HLCS: variants seen among roughly 807,000 people sequenced by gnomAD.
HLCS encodes the protein holocarboxylase synthetase.
In HLCS, 53 loss-of-function variants were observed where a neutral mutation model predicts 75.0. The observed-to-expected ratio is 0.71, with a 90% CI of 0.57 to 0.89. HLCS has a LOEUF of 0.89. Ranked by LOEUF, HLCS falls within the 40% of genes least tolerant of loss-of-function variation. The pLI, the probability that HLCS is intolerant of heterozygous loss-of-function variation, is 0.00. For missense variants in HLCS, 966 were observed against 1,074.0 expected (o/e 0.90, Z 1.41); for synonymous variants, 431 against 428.6 (o/e 1.01, Z -0.07).
At chr21:36,865,185 G>T (rs986022190) in intron 6 of HLCS, among the ~76,000 whole-genome samples, 2 of 151,918 alleles carry the variant, frequency 1.3e-5, no homozygotes, top group Non-Finnish European at 2.9e-5. Flanking sequence ...TGCTCGGGCG[G>T]ATCAATCTCA....
At chr21:36,961,105 C>T (rs1290324340) in intron 2 of HLCS, among the ~76,000 whole-genome samples, 4 of 152,268 alleles carry the variant, frequency 2.6e-5, no homozygotes, top group South Asian at 2.1e-4. Flanking sequence ...AGCCGGCTGG[C>T]GTGTTAATTT....
intron 6 of HLCS, among the ~76,000 whole-genome samples, chr21:36,838,298 TCACACACACA>T (rs148428941): frequency 1.6e-5 from 2 of 127,302 alleles, no homozygotes; most frequent in Admixed American, 7.6e-5. Flanking sequence ...GGGTGAATGA[TCACACACACA>T]CACACACACA....
chr21:36,770,039 T>C (rs1348884480), intron 6 of HLCS, among the ~76,000 whole-genome samples: 1 of 152,146 alleles, frequency 6.6e-6, no homozygotes, highest in Non-Finnish European at 1.5e-5. Context: ...AATGGAATAA[T>C]TTGTAATCAA....
At chr21:36,770,441 C>T (rs911862313) in intron 6 of HLCS, among the ~76,000 whole-genome samples, 1 of 152,062 alleles carries the variant, frequency 6.6e-6, no homozygotes, top group East Asian at 1.9e-4. Context: ...GCCACCACGC[C>T]TGGCCAAAAA....
rs565457006 is a variant in HLCS, at chr21:36,849,505, G to A, written c.1892+47355C>T. The stretch of plus-strand genomic sequence containing the variant: ...GAAAAGGAGCCCCTGGGGGCATCTG[G>A]GTGGAAGGAAGGCTCGGAGGCTGGA... On this transcript the variant is annotated intron_variant, in intron 6 of 10. Transcript: ENST00000674895. Among the ~76,000 whole-genome samples, 63 of 152,322 alleles carry A rather than the reference G, an allele frequency of 4.1e-4. 1 individual carries two copies. The South Asian group carries it at 0.013, about 31-fold the overall frequency.
At chr21:36,958,969 G>A (rs1390540493) in intron 2 of HLCS, among the ~76,000 whole-genome samples, 1 of 152,216 alleles carries the variant, frequency 6.6e-6, no homozygotes, top group Non-Finnish European at 1.5e-5. Context: ...TCTGGAGCAG[G>A]GTAGGCGCGG....
intron 8 of HLCS, among the ~76,000 whole-genome samples, chr21:36,760,580 A>G (rs951545806): frequency 4.0e-5 from 6 of 151,738 alleles, no homozygotes; most frequent in Non-Finnish European, 8.8e-5. Context: ...ACTGCACTCC[A>G]GCCCAGGTGA....
In HLCS at chr21:36,845,598, G is replaced by A. The variant is rs1429862989; in HGVS notation, c.1892+51262C>T. ...CGCTCCCAGTTAATTCCAGGCCAGT[G>A]CTACAAAGTCTAAGGCCCACTTGCT... is the stretch of plus-strand genomic sequence containing the variant. On this transcript the variant is annotated intron_variant, in intron 6 of 10. Coordinates refer to ENST00000674895, the MANE Select transcript of HLCS (RefSeq NM_001352514.2). Among the ~76,000 whole-genome samples the A allele has an allele frequency of 2.0e-5, 3 of 152,170 alleles. No homozygotes were observed. In the East Asian group the frequency reaches 5.8e-4, roughly 29 times the overall value.
At chr21:36,951,495 C>A (rs763392812) in intron 2 of HLCS, among the ~76,000 whole-genome samples, 1 of 152,218 alleles carries the variant, frequency 6.6e-6, no homozygotes, top group Non-Finnish European at 1.5e-5. Flanking sequence ...CCCATAATCC[C>A]TATCCATGCC....
chr21:36,910,461 G>T (rs143454139), intron 5 of HLCS, among the ~76,000 whole-genome samples: 48 of 151,792 alleles, frequency 3.2e-4, no homozygotes, highest in African/African-American at 1.0e-3. Flanking sequence ...CAAGAGAATC[G>T]CTTGAACTCC....
chr21:36,987,283 C>A (rs2069245835), intron 1 of HLCS, among the ~76,000 whole-genome samples: 1 of 152,194 alleles, frequency 6.6e-6, no homozygotes, highest in South Asian at 2.1e-4. Flanking sequence ...CTCCCCAGCT[C>A]TCTCAGCAGA....
At chr21:36,986,600 T>C (rs959627602) in intron 1 of HLCS, 2 of 152,246 alleles carry the variant, frequency 1.3e-5, no homozygotes, top group African/African-American at 4.8e-5. Flanking sequence ...GTATTTTTAG[T>C]AGAGACAGGG....
intron 6 of HLCS, among the ~76,000 whole-genome samples, chr21:36,835,704 A>G (rs1251188559): frequency 6.6e-6 from 1 of 152,154 alleles, no homozygotes. Flanking sequence ...CAGGAGTAAG[A>G]TGCTGCCACA....
In HLCS at chr21:36,857,655, A is replaced by G. The variant is rs542880129; in HGVS notation, c.1892+39205T>C. On this transcript the variant is annotated intron_variant, in intron 6 of 10. Transcript: ENST00000674895. Reference sequence around the variant, plus strand: ...CCTGCTCAGAGCTCCCACTCCTAGGATGGCATTTCAGTGGCCCAAGTTCTG... The same window carrying G: ...CCTGCTCAGAGCTCCCACTCCTAGGGTGGCATTTCAGTGGCCCAAGTTCTG... Among the ~76,000 whole-genome samples the G allele has an allele frequency of 3.3e-5, 5 of 152,234 alleles. No homozygotes were observed. The South Asian group carries it at 1.0e-3, about 32-fold the overall frequency.
chr21:36,969,181 G>A (rs1015985411), upstream of HLCS, among the ~76,000 whole-genome samples: 5 of 152,112 alleles, frequency 3.3e-5, no homozygotes, highest in African/African-American at 4.8e-5. Context: ...TTATGATCCC[G>A]CCCTAAAATG....
At chr21:36,974,971 C>G (rs922174142) in intron 1 of HLCS, 1 of 152,220 alleles carries the variant, frequency 6.6e-6, no homozygotes, top group African/African-American at 2.4e-5. Flanking sequence ...AAGTGAGCCT[C>G]TGCCCCCAAC....
intron 1 of HLCS, among the ~76,000 whole-genome samples, chr21:36,984,229 A>G (rs148706908): frequency 6.6e-6 from 1 of 152,104 alleles, no homozygotes; most frequent in Non-Finnish European, 1.5e-5. Flanking sequence ...CTTATCCACA[A>G]GGGTATGTTC....
At chr21:36,935,482 C>A (rs374884892) in intron 4 of HLCS, among the ~76,000 whole-genome samples, 4 of 152,016 alleles carry the variant, frequency 2.6e-5, no homozygotes, top group Non-Finnish European at 5.9e-5. Flanking sequence ...CAAGGCATTA[C>A]AAAATGAAAA....
rs555286592 is a variant in HLCS, at chr21:36,966,188, A to C, written c.195+256T>G. On this transcript the variant is annotated intron_variant, in intron 1 of 10. Coordinates refer to ENST00000674895, the MANE Select transcript of HLCS (RefSeq NM_001352514.2). ...GTCAATCCACAGCTCACGTCCTCAC[A>C]GGTGCGCGCCTAGAGTCACGCGTCC... Among the ~76,000 whole-genome samples, 1,224 of 152,284 alleles carry C rather than the reference A, an allele frequency of 8.0e-3. 16 individuals are homozygous for C. Among genetic ancestry groups the C allele is most frequent in the African/African-American group, 0.028 (1,163 of 41,568 alleles).
Sources: allele counts gnomAD v4.1 joint callset (sites outside exome capture counted in the v4.1 genomes callset), GRCh38; gene constraint gnomAD v4.1.1; transcripts MANE v1.5; gene names NCBI Gene and HGNC (gene_info 2026-07-23, HGNC 2026-07-21).